Variants in MYO1E observed in about 807,000 individuals in gnomAD.
MYO1E encodes myosin IE, also known as unconventional myosin-Ie.
A neutral mutation model predicts 151.1 loss-of-function variants in MYO1E; 68 were observed. The ratio of observed to expected loss-of-function variants is 0.45; its 90% CI spans 0.37 to 0.55. MYO1E has a LOEUF of 0.55. MYO1E is among the 20% of genes least tolerant of loss of function. MYO1E has a pLI of 0.00. For synonymous variants in MYO1E, 601 were observed against 501.7 expected (o/e 1.20, Z -2.64); for missense variants, 1,363 against 1,389.3 (o/e 0.98, Z 0.30).
chr15:59,272,555 G>A (rs1297113034), intron 1 of MYO1E, 106 bp from the exon 2 acceptor site: 1 of 1,240,656 alleles, frequency 8.1e-7, no homozygotes, highest in Non-Finnish European at 1.2e-6. Context: ...AAATGTAGCA[G>A]AAAGAGCAGT....
At chr15:59,359,040 A>C (rs2080870557) in intron 1 of MYO1E, among the ~76,000 whole-genome samples, 1 of 152,126 alleles carries the variant, frequency 6.6e-6, no homozygotes, top group South Asian at 2.1e-4. Context: ...TTAAGAATGA[A>C]TATGGACACA....
chr15:59,183,993 G>A (rs1399983270), intron 18 of MYO1E, among the ~76,000 whole-genome samples: 2 of 152,142 alleles, frequency 1.3e-5, no homozygotes, highest in Non-Finnish European at 2.9e-5. Context: ...ATTCCATCGT[G>A]TTGTTGCAAA....
At chr15:59,178,713 G>C (rs926129697) in intron 18 of MYO1E, among the ~76,000 whole-genome samples, 176 bp from the exon 19 acceptor site, 1 of 152,212 alleles carries the variant, frequency 6.6e-6, no homozygotes, top group Non-Finnish European at 1.5e-5. Context: ...CAAAAATCCC[G>C]AGTCTGGGAT....
At chr15:59,175,372 A>G (rs958344469) in intron 19 of MYO1E, among the ~76,000 whole-genome samples, 1 of 152,224 alleles carries the variant, frequency 6.6e-6, no homozygotes, top group African/African-American at 2.4e-5. Context: ...AGAAGTAAAC[A>G]AGCCAATGTG....
At position 59,372,579 on chromosome 15, in the gene MYO1E, A is replaced by T. The variant is rs2140449136; in HGVS notation, c.-79T>A. 1.3e-6 allele frequency: 2 copies of T among 1,511,774 alleles called. No homozygotes were observed. The highest frequency in any genetic ancestry group is 8.9e-7 in the Non-Finnish European group (1 of 1,127,312). 93.6% of individuals were successfully genotyped at this position (1,511,774 alleles called of 1,614,324 possible). ...GGCTGGAACGCAGTCTTCTGGGCGAACTTCAAAAGTTGGTTCCCCTCGCCA... is the reference window on the plus strand; with the variant it reads ...GGCTGGAACGCAGTCTTCTGGGCGATCTTCAAAAGTTGGTTCCCCTCGCCA... On this transcript the variant is annotated 5_prime_UTR_variant, in exon 1 of 28. Coordinates refer to ENST00000288235, the MANE Select transcript of MYO1E (RefSeq NM_004998.4).
chr15:59,172,153 T>A (rs1277939211), intron 21 of MYO1E, 111 bp from the exon 22 acceptor site: 4 of 1,229,716 alleles, frequency 3.3e-6, no homozygotes, highest in Non-Finnish European at 4.6e-6. Flanking sequence ...GGTCAGGAGT[T>A]CGAGACCAGC....
chr15:59,218,136 T>C (rs1271280587), intron 9 of MYO1E, 49 bp from the exon 10 acceptor site: 7 of 1,600,602 alleles, frequency 4.4e-6, no homozygotes, highest in Non-Finnish European at 6.0e-6. Context: ...TTGTGACACT[T>C]CCAAGTCATC....
intron 17 of MYO1E, among the ~76,000 whole-genome samples, chr15:59,194,802 G>A (rs147014087): frequency 8.5e-5 from 13 of 152,212 alleles, no homozygotes; most frequent in Admixed American, 2.6e-4. Flanking sequence ...CCTCAATGCC[G>A]CCATTTCTTC....
At position 59,134,041 on chromosome 15, in the gene MYO1E, C is replaced by T. The variant is rs2079358320; in HGVS notation, c.*3339G>A. On this transcript the variant is annotated 3_prime_UTR_variant, in exon 28 of 28. Coordinates refer to ENST00000288235, the MANE Select transcript of MYO1E (RefSeq NM_004998.4). ...GCAGGAGCCCGCTGTCACTCTGGTG[C>T]TCTGGGTAAGCTGCTGAGACAGCTC... 1 of 152,288 alleles carries T rather than the reference C, an allele frequency of 6.6e-6. No homozygotes were observed. The highest frequency in any genetic ancestry group is 2.4e-5 in the African/African-American group (1 of 41,462). The allele number at this position is 152,288 out of a possible 1,614,324, so 9.4% of individuals were successfully genotyped here.
chr15:59,339,809 G>A (rs1350560688), intron 1 of MYO1E, among the ~76,000 whole-genome samples: 3 of 151,882 alleles, frequency 2.0e-5, no homozygotes, highest in African/African-American at 7.3e-5. Context: ...ACAATATAGC[G>A]AGATACCTTC....
intron 27 of MYO1E, among the ~76,000 whole-genome samples, chr15:59,137,866 C>A (rs1274897832): frequency 6.6e-6 from 1 of 152,180 alleles, no homozygotes; most frequent in Non-Finnish European, 1.5e-5. Flanking sequence ...GAATAAAAGT[C>A]AGGACTTTTG....
At chr15:59,210,258 C>T (rs2079870603) in intron 13 of MYO1E, among the ~76,000 whole-genome samples, 1 of 152,042 alleles carries the variant, frequency 6.6e-6, no homozygotes, top group Admixed American at 6.6e-5. Flanking sequence ...ATCATGTGAT[C>T]CTGTCTTCTC....
Position 59,350,366 on chromosome 15 carries a change from C to T in MYO1E, c.3+22132G>A, listed in dbSNP as rs1224206653. 1.3e-5 allele frequency among the ~76,000 whole-genome samples: 2 copies of T among 152,094 alleles called. No homozygotes were observed. The highest frequency in any genetic ancestry group is 3.9e-4 in the East Asian group (2 of 5,194). ...ACCTTCTATTCACCATGACTGTAGT[C>T]GTAGACACTCAGAAATGGGAGTTCC... On this transcript the variant is annotated intron_variant, in intron 1 of 27. Transcript: ENST00000288235. The surrounding 1 kb of genome is among the most constrained non-coding windows in gnomAD (Gnocchi z 5.0).
intron 4 of MYO1E, among the ~76,000 whole-genome samples, chr15:59,254,271 T>C (rs1002956982): frequency 1.3e-5 from 2 of 152,076 alleles, no homozygotes; most frequent in Non-Finnish European, 2.9e-5. Context: ...CACTGTAATC[T>C]CAAACTCCTG....
intron 26 of MYO1E, among the ~76,000 whole-genome samples, chr15:59,149,564 G>C (rs1313633672): frequency 1.3e-5 from 2 of 152,206 alleles, no homozygotes; most frequent in Non-Finnish European, 2.9e-5. Flanking sequence ...AAAGAATCCA[G>C]TTGGGATGGT....
At chr15:59,215,226 A>G (rs1298067415) in intron 10 of MYO1E, among the ~76,000 whole-genome samples, 2 of 152,192 alleles carry the variant, frequency 1.3e-5, no homozygotes, top group Non-Finnish European at 2.9e-5. Flanking sequence ...TAGTAACAAT[A>G]GTCATTATTT....
intron 1 of MYO1E, among the ~76,000 whole-genome samples, chr15:59,344,282 T>C (rs1364965083): frequency 6.6e-6 from 1 of 152,254 alleles, no homozygotes; most frequent in Non-Finnish European, 1.5e-5. Context: ...GTAGAGGTAC[T>C]GCCTTGGTGG....
In MYO1E at chr15:59,132,753, C is replaced by T. The variant is rs2079352445; in HGVS notation, c.*4627G>A. ...ACCTGTGAAGTGGGGATAAGAGTGT[C>T]TCCCTCATAGGGTGGTGCTAAGTAA... On this transcript the variant is annotated 3_prime_UTR_variant, in exon 28 of 28. Transcript: ENST00000288235. 6.6e-6 allele frequency: 1 copy of T among 152,186 alleles called. No homozygotes were observed. Among genetic ancestry groups the T allele is most frequent in the South Asian group, 2.1e-4 (1 of 4,828 alleles). The allele number at this position is 152,186 out of a possible 1,614,324, so 9.4% of individuals were successfully genotyped here.
At chr15:59,360,356 G>A (rs1247471157) in intron 1 of MYO1E, among the ~76,000 whole-genome samples, 2 of 151,318 alleles carry the variant, frequency 1.3e-5, no homozygotes, top group African/African-American at 2.4e-5. Context: ...TTCAACCAAG[G>A]GGAAAAAAAA....
Sources: allele counts gnomAD v4.1 joint callset (sites outside exome capture counted in the v4.1 genomes callset), GRCh38; gene constraint gnomAD v4.1.1; non-coding constraint Gnocchi (gnomAD v3.1); transcripts MANE v1.5; gene names NCBI Gene and HGNC (gene_info 2026-07-23, HGNC 2026-07-21).